The following ARHGEF33 variants were observed in gnomAD, a reference collection of about 807,000 sequenced individuals.
ARHGEF33 encodes DH and coiled-coil domain-containing protein ENSP00000381780.
In ARHGEF33, 72 loss-of-function variants were observed where a neutral mutation model predicts 101.9. That is an observed-to-expected ratio of 0.71 (90% CI 0.58 to 0.86). ARHGEF33 has a LOEUF of 0.86. Ranked by LOEUF, ARHGEF33 falls within the 40% of genes least tolerant of loss-of-function variation. The pLI is 0.00. For missense variants in ARHGEF33, 1,169 were observed against 1,111.3 expected, an observed-to-expected ratio of 1.05 and a Z score of -0.74; for synonymous variants, 499 against 442.5, an observed-to-expected ratio of 1.13 and a Z score of -1.60.
chr2:38,897,423 C>G (rs1285318432), intron 2 of ARHGEF33, among the ~76,000 whole-genome samples: 1 of 152,182 alleles, frequency 6.6e-6, no homozygotes, highest in Non-Finnish European at 1.5e-5. Flanking sequence ...AATGCTCATT[C>G]AGCTAATATT....
At chr2:38,962,141 A>C (rs1268588429) in intron 16 of ARHGEF33, among the ~76,000 whole-genome samples, 4 of 152,166 alleles carry the variant, frequency 2.6e-5, no homozygotes, top group Non-Finnish European at 5.9e-5. Flanking sequence ...CTGATTTTCA[A>C]CCCCAAGCTT....
chr2:38,959,791 A>T, intron 15 of ARHGEF33, 50 bp from the exon 16 acceptor site: 1 of 1,479,608 alleles, frequency 6.8e-7, no homozygotes, highest in Non-Finnish European at 9.0e-7. Flanking sequence ...AGAGGCCTGC[A>T]CTAACCGGCC....
At chr2:38,908,766 T>C (rs1204578705) in intron 2 of ARHGEF33, among the ~76,000 whole-genome samples, 1 of 152,180 alleles carries the variant, frequency 6.6e-6, no homozygotes. Flanking sequence ...GTGGGACCAT[T>C]TACTAGGAGA....
chr2:38,917,311 C>T (rs916875761), intron 2 of ARHGEF33, among the ~76,000 whole-genome samples: 2 of 151,546 alleles, frequency 1.3e-5, no homozygotes, highest in African/African-American at 2.4e-5. Flanking sequence ...AGGCTGATCT[C>T]GAACTCCTGA....
chr2:38,915,384 T>G (rs903858062), intron 2 of ARHGEF33, among the ~76,000 whole-genome samples: 1 of 36,210 alleles, frequency 2.8e-5, no homozygotes, highest in Non-Finnish European at 9.2e-5. Context: ...TTTATTGACT[T>G]TTTTTTTTTT....
intron 7 of ARHGEF33, among the ~76,000 whole-genome samples, chr2:38,932,457 A>G (rs569470251): frequency 6.6e-6 from 1 of 150,918 alleles, no homozygotes; most frequent in East Asian, 1.9e-4. Context: ...TTTTTTACCT[A>G]TTTGCGTAAT....
In ARHGEF33 at chr2:38,892,647, A is replaced by G. The variant is rs146578910; in HGVS notation, c.-159+2661A>G. Among the ~76,000 whole-genome samples, 703 of 152,356 alleles carry G rather than the reference A, an allele frequency of 4.6e-3. 10 individuals carry two copies. Among genetic ancestry groups the G allele is most frequent in the African/African-American group, 0.016 (673 of 41,580 alleles). ...AGAACCAAGTTCATTATTATAGCAT[A>G]TTCAGCCTCCTTTTAGTCTCCTGGT... On this transcript the variant is annotated intron_variant, in intron 1 of 17. Transcript: ENST00000409978.
intron 2 of ARHGEF33, among the ~76,000 whole-genome samples, chr2:38,907,816 A>G (rs1222640318): frequency 6.6e-6 from 1 of 150,866 alleles, no homozygotes; most frequent in Non-Finnish European, 1.5e-5. Flanking sequence ...AGATATTTAC[A>G]TTGTACTGGG....
chr2:38,949,555 AAAAAAAG>A (rs1182553859), intron 10 of ARHGEF33, among the ~76,000 whole-genome samples: 1 of 151,998 alleles, frequency 6.6e-6, no homozygotes, highest in Non-Finnish European at 1.5e-5. Flanking sequence ...GAAAAAGGGA[AAAAAAAG>A]AAAAAAGGAG....
At chr2:38,927,209 G>A (rs548248491) in intron 4 of ARHGEF33, among the ~76,000 whole-genome samples, 4 of 152,012 alleles carry the variant, frequency 2.6e-5, no homozygotes, top group South Asian at 2.1e-4. Context: ...GCAATCCTTC[G>A]TAAAGCACAA....
intron 15 of ARHGEF33, among the ~76,000 whole-genome samples, chr2:38,958,869 A>G (rs1369477424): frequency 6.6e-6 from 1 of 151,898 alleles, no homozygotes; most frequent in East Asian, 1.9e-4. Context: ...TAGTAGAGAC[A>G]GGGTTTTACC....
At chr2:38,951,932 G>C (rs1667619332) in intron 11 of ARHGEF33, among the ~76,000 whole-genome samples, 1 of 152,216 alleles carries the variant, frequency 6.6e-6, no homozygotes, top group South Asian at 2.1e-4. Flanking sequence ...GGGCCAGACA[G>C]TGGCATAAAT....
At position 38,959,902 on chromosome 2, in the gene ARHGEF33, C is replaced by T. The variant is rs1376700056; in HGVS notation, c.1597C>T (p.Pro533Ser). The change falls in exon 16 of 18, where the codon CCC becomes TCC. Residue 533 changes from proline (P) to serine (S), a missense_variant. Pro to Ser is a moderately conservative substitution (Grantham distance 74). Transcript: ENST00000409978. ...QQQSLMESMQ[P>S]GKPSDWELEG... ...GCAAAGCCTGATGGAGAGCATGCAG[C>T]CCGGGAAGCCCAGTGACTGGGAGCT... The T allele has an allele frequency of 6.4e-7, 1 of 1,551,850 alleles. No individual in the cohort carries two copies. Among genetic ancestry groups the T allele is most frequent in the Non-Finnish European group, 8.7e-7 (1 of 1,146,930 alleles).
chr2:38,962,031 G>C (rs1339379236), intron 16 of ARHGEF33, among the ~76,000 whole-genome samples: 2 of 152,164 alleles, frequency 1.3e-5, no homozygotes, highest in Non-Finnish European at 2.9e-5. Flanking sequence ...CTCCAGCAGT[G>C]AAAGTCTGTG....
intron 2 of ARHGEF33, among the ~76,000 whole-genome samples, chr2:38,914,044 G>A (rs984300922): frequency 6.6e-6 from 1 of 152,100 alleles, no homozygotes; most frequent in Admixed American, 6.5e-5. Context: ...AGCAAAAGTA[G>A]CTATAAACTA....
At chr2:38,901,265 C>T (rs1199227747) in intron 2 of ARHGEF33, among the ~76,000 whole-genome samples, 3 of 152,174 alleles carry the variant, frequency 2.0e-5, no homozygotes, top group Non-Finnish European at 4.4e-5. Context: ...CTAGTTTTCT[C>T]CTTCTCACAT....
intron 2 of ARHGEF33, among the ~76,000 whole-genome samples, chr2:38,912,728 A>G (rs1008862760): frequency 7.2e-5 from 11 of 152,210 alleles, no homozygotes; most frequent in Non-Finnish European, 1.3e-4. Flanking sequence ...GGAGAAAGCC[A>G]GGAGTAATAA....
At chr2:38,921,520 C>A in intron 4 of ARHGEF33, 97 bp downstream of exon 4, 2 of 829,016 alleles carry the variant, frequency 2.4e-6, no homozygotes, top group Non-Finnish European at 4.0e-6. Flanking sequence ...CAAGTGCTTC[C>A]ACATATATCG....
chr2:38,948,727 G>T (rs1436887110), intron 10 of ARHGEF33, among the ~76,000 whole-genome samples: 1 of 152,148 alleles, frequency 6.6e-6, no homozygotes, highest in Admixed American at 6.5e-5. Context: ...GTCACACCAG[G>T]ACTATTACAC....
Sources: allele counts gnomAD v4.1 joint callset (sites outside exome capture counted in the v4.1 genomes callset), GRCh38; gene constraint gnomAD v4.1.1; transcripts MANE v1.5; gene names NCBI Gene and HGNC (gene_info 2026-07-23, HGNC 2026-07-21).